Variants in WDR72 observed in about 807,000 individuals in gnomAD.
WDR72 encodes the protein WD repeat domain 72.
WDR72 carries 120 observed loss-of-function variants against 124.2 expected under a neutral mutation model. That is an observed-to-expected ratio of 0.97 (90% confidence interval 0.83 to 1.12). The LOEUF (loss-of-function observed/expected upper bound fraction) is 1.12. Among genes scored for constraint, WDR72 ranks in the 50% most tolerant of loss-of-function variants. The pLI is 0.00. For synonymous variants in WDR72, 452 were observed against 441.7 expected (o/e 1.02, Z -0.29); for missense variants, 1,387 against 1,278.8 (o/e 1.08, Z -1.29).
At chr15:53,710,747 G>T in intron 9 of WDR72, 110 bp downstream of exon 9, 1 of 861,192 alleles carries the variant, frequency 1.2e-6, no homozygotes, top group Non-Finnish European at 1.9e-6. Flanking sequence ...CAACTTGATG[G>T]GATGCTTCAA....
At chr15:53,561,003 C>T (rs1334452276) in intron 18 of WDR72, among the ~76,000 whole-genome samples, 1 of 151,822 alleles carries the variant, frequency 6.6e-6, no homozygotes, top group East Asian at 1.9e-4. Flanking sequence ...ATATTATTAC[C>T]ACAGTCCTTT....
Position 53,517,648 on chromosome 15 carries a change from T to G in WDR72, c.*51A>C. On this transcript the variant is annotated 3_prime_UTR_variant, in exon 20 of 20. Coordinates refer to ENST00000360509, the MANE Select transcript of WDR72 (RefSeq NM_182758.4). Reference sequence around the variant, plus strand: ...TATACAGTAATAAACAAATGGCATCTTTTGGATTTCTTAATTTGTCCAAAT... The same window carrying G: ...TATACAGTAATAAACAAATGGCATCGTTTGGATTTCTTAATTTGTCCAAAT... 1 of 1,583,028 alleles carries G rather than the reference T, an allele frequency of 6.3e-7. No individual in the cohort carries two copies. Among genetic ancestry groups the G allele is most frequent in the Non-Finnish European group, 8.7e-7 (1 of 1,152,144 alleles).
At position 53,727,482 on chromosome 15, in the gene WDR72, T is replaced by C. The variant is rs371145838; in HGVS notation, c.154-4574A>G. Reference sequence around the variant, plus strand: ...AAGAGCTGTTGTCAGACTAACTTTTTAGTGCTACAAGAAGTGTTTTGTGGT... The same window carrying C: ...AAGAGCTGTTGTCAGACTAACTTTTCAGTGCTACAAGAAGTGTTTTGTGGT... On this transcript the variant is annotated intron_variant, in intron 2 of 19. Transcript: ENST00000360509. Among the ~76,000 whole-genome samples, 74 of 152,304 alleles carry C rather than the reference T, an allele frequency of 4.9e-4. No individual in the cohort carries two copies. The South Asian group carries it at 8.3e-3, about 17-fold the overall frequency.
At chr15:53,672,312 T>TAAAAAAAAAAAA (rs5812704) in intron 13 of WDR72, among the ~76,000 whole-genome samples, 2 of 136,448 alleles carry the variant, frequency 1.5e-5, no homozygotes. Flanking sequence ...AAATGCCGAT[T>TAAAAAAAAAAAA]AAAAAAAAAA....
At chr15:53,543,992 C>T (rs1893311256) in intron 18 of WDR72, among the ~76,000 whole-genome samples, 1 of 151,594 alleles carries the variant, frequency 6.6e-6, no homozygotes, top group African/African-American at 2.4e-5. Context: ...AGACCAATAA[C>T]AGGAGCTGAA....
chr15:53,601,000 C>T (rs1231230752), intron 17 of WDR72, among the ~76,000 whole-genome samples: 1 of 152,112 alleles, frequency 6.6e-6, no homozygotes, highest in Admixed American at 6.6e-5. Flanking sequence ...CTTCCCCCAA[C>T]CTTAAAGGTA....
At chr15:53,655,807 T>G (rs1034481417) in intron 14 of WDR72, among the ~76,000 whole-genome samples, 1 of 152,070 alleles carries the variant, frequency 6.6e-6, no homozygotes, top group East Asian at 1.9e-4. Flanking sequence ...ATTCTCCTGC[T>G]TCAGCCTCCT....
chr15:53,690,084 G>A (rs895963021), intron 13 of WDR72, among the ~76,000 whole-genome samples: 1 of 113,252 alleles, frequency 8.8e-6, no homozygotes, highest in Non-Finnish European at 1.7e-5. Flanking sequence ...GGGGAGGGGG[G>A]AGGGATAGCA....
intron 12 of WDR72, 40 bp downstream of exon 12, chr15:53,702,094 A>G: frequency 6.8e-7 from 1 of 1,465,042 alleles, no homozygotes; most frequent in African/African-American, 1.4e-5. Flanking sequence ...AATTTATATA[A>G]TTTTCAAATT....
At chr15:53,685,863 C>T (rs1193248229) in intron 13 of WDR72, among the ~76,000 whole-genome samples, 14 of 125,494 alleles carry the variant, frequency 1.1e-4, no homozygotes, top group South Asian at 2.6e-4. Flanking sequence ...GCGGATCTCT[C>T]ACCAGAAACC....
chr15:53,738,584 GTTTT>G (rs940429807), intron 1 of WDR72, among the ~76,000 whole-genome samples: 37 of 148,650 alleles, frequency 2.5e-4, no homozygotes, highest in African/African-American at 7.2e-4. Flanking sequence ...CCTTTTTTTT[GTTTT>G]TGTTTGTTTG....
intron 16 of WDR72, among the ~76,000 whole-genome samples, chr15:53,612,485 T>C (rs2013583069): frequency 6.6e-6 from 1 of 151,944 alleles, no homozygotes; most frequent in Admixed American, 6.6e-5. Flanking sequence ...TTGAGCTATA[T>C]GAAGGTCTAG....
intron 18 of WDR72, among the ~76,000 whole-genome samples, chr15:53,534,133 G>A (rs1892625801): frequency 6.6e-6 from 1 of 152,138 alleles, no homozygotes; most frequent in Non-Finnish European, 1.5e-5. Flanking sequence ...GTCAGTTTCT[G>A]TCATCTTTAG....
Position 53,629,191 on chromosome 15 carries a change from C to CGAGAGA in WDR72, c.1963-12954_1963-12949dup, listed in dbSNP as rs5812700. Among the ~76,000 whole-genome samples the CGAGAGA allele has an allele frequency of 3.7e-5, 5 of 135,796 alleles. 1 individual carries two copies. Among genetic ancestry groups the CGAGAGA allele is most frequent in the South Asian group, 4.8e-4 (2 of 4,164 alleles). 89.1% of individuals were successfully genotyped at this position (135,796 alleles called of 152,430 possible). A position where few individuals can be genotyped will look rare whatever the true frequency, so the allele number is the denominator to read the frequency against. ...CAATATCAGCTGAGGAGAGAGACAG[C>CGAGAGA]GAGAGAGAGAGAGAGAGAGAGTGAG... On this transcript the variant is annotated intron_variant, in intron 14 of 19. Transcript: ENST00000360509.
At chr15:53,755,800 A>C (rs2018887429) in intron 1 of WDR72, among the ~76,000 whole-genome samples, 1 of 152,218 alleles carries the variant, frequency 6.6e-6, no homozygotes, top group African/African-American at 2.4e-5. Flanking sequence ...GGAGATCAAG[A>C]AGAGTTTCTC....
chr15:53,629,079 C>T (rs1415609936), intron 14 of WDR72, among the ~76,000 whole-genome samples: 1 of 152,030 alleles, frequency 6.6e-6, no homozygotes, highest in Non-Finnish European at 1.5e-5. Context: ...ATTAGACAGA[C>T]ATACACCGAA....
chr15:53,606,775 A>C (rs2013303469), intron 17 of WDR72, among the ~76,000 whole-genome samples: 1 of 152,138 alleles, frequency 6.6e-6, no homozygotes, highest in Admixed American at 6.6e-5. Flanking sequence ...AGTTCAAATG[A>C]GCTTTACGTC....
intron 16 of WDR72, among the ~76,000 whole-genome samples, chr15:53,611,251 ATT>A (rs1566982910): frequency 6.6e-6 from 1 of 151,888 alleles, no homozygotes; most frequent in Admixed American, 6.6e-5. Flanking sequence ...TCTTCCTATT[ATT>A]TTTTTGAAAA....
Position 53,701,785 on chromosome 15 carries a change from T to C in WDR72, c.1569+349A>G, listed in dbSNP as rs77390777. 7.2e-3 allele frequency among the ~76,000 whole-genome samples: 1,091 copies of C among 152,144 alleles called. 14 individuals are homozygous for C. Among genetic ancestry groups the C allele is most frequent in the African/African-American group, 0.025 (1,032 of 41,520 alleles). ...TTGACTTGTTTTTGCCTTGAGTATC[T>C]ACTTTTTTAAAAAAAAGATAATTCC... On this transcript the variant is annotated intron_variant, in intron 12 of 19. Transcript: ENST00000360509.
Sources: gnomAD v4.1 joint callset for allele counts (sites outside exome capture counted in the v4.1 genomes callset) on GRCh38, gnomAD v4.1.1 for gene constraint, MANE v1.5 for transcripts, NCBI Gene and HGNC (gene_info 2026-07-23, HGNC 2026-07-21) for gene names.